PARD3B: variants seen among roughly 807,000 people sequenced by gnomAD.
PARD3B encodes the protein partitioning defective 3 homolog B.
PARD3B carries 103 observed loss-of-function variants against 130.2 expected under a neutral mutation model. The observed-to-expected ratio is 0.79, with a 90% CI of 0.67 to 0.93. The LOEUF is 0.93. Among genes scored for constraint, PARD3B ranks in the 40% least tolerant of loss-of-function variants. The pLI, the probability that PARD3B is intolerant of heterozygous loss-of-function variation, is 0.00. For synonymous variants in PARD3B, 583 were observed against 553.2 expected, an observed-to-expected ratio of 1.05 and a Z score of -0.76; for missense variants, 1,609 against 1,499.2, an observed-to-expected ratio of 1.07 and a Z score of -1.21.
intron 18 of PARD3B, among the ~76,000 whole-genome samples, chr2:205,390,940 T>C (rs1032342506): frequency 6.6e-6 from 1 of 152,228 alleles, no homozygotes; most frequent in African/African-American, 2.4e-5. Context: ...TTGGATTTAT[T>C]TTCTTTGACA....
chr2:205,031,242 C>T (rs1362064642), intron 3 of PARD3B, among the ~76,000 whole-genome samples: 9 of 152,138 alleles, frequency 5.9e-5, no homozygotes, highest in Non-Finnish European at 1.2e-4. Context: ...GTGAAGGCAA[C>T]TCTGTGTGTG....
intron 2 of PARD3B, among the ~76,000 whole-genome samples, chr2:204,900,467 A>T (rs937933815): frequency 1.3e-5 from 2 of 152,054 alleles, no homozygotes; most frequent in Non-Finnish European, 2.9e-5. Flanking sequence ...AATTCTTTTA[A>T]ATTATTTCAA....
chr2:205,259,804 G>A (rs1574528010), intron 16 of PARD3B, among the ~76,000 whole-genome samples: 1 of 152,182 alleles, frequency 6.6e-6, no homozygotes, highest in East Asian at 1.9e-4. Context: ...TATCTAAAAT[G>A]CTGGAGACCA....
intron 21 of PARD3B, among the ~76,000 whole-genome samples, chr2:205,529,922 G>A (rs1482655033): frequency 6.6e-6 from 1 of 152,140 alleles, no homozygotes; most frequent in Non-Finnish European, 1.5e-5. Flanking sequence ...GCTCTGGTGT[G>A]GACTTAGAGC....
At chr2:204,646,229 A>G (rs1272965360) in intron 1 of PARD3B, among the ~76,000 whole-genome samples, 1 of 152,118 alleles carries the variant, frequency 6.6e-6, no homozygotes, top group Non-Finnish European at 1.5e-5. Flanking sequence ...GCACCCCAGA[A>G]GTTCTCACGT....
At chr2:205,475,403 A>G (rs548772004) in intron 20 of PARD3B, among the ~76,000 whole-genome samples, 28 of 152,288 alleles carry the variant, frequency 1.8e-4, no homozygotes, top group African/African-American at 6.3e-4. Context: ...TGCTATTGTC[A>G]GGCTTGTTTG....
At chr2:204,785,689 G>A (rs1311721204) in intron 2 of PARD3B, among the ~76,000 whole-genome samples, 10 of 152,180 alleles carry the variant, frequency 6.6e-5, no homozygotes, top group Non-Finnish European at 1.3e-4. Flanking sequence ...CCCAGTGCCC[G>A]ACATGCAGGA....
chr2:204,789,397 A>G (rs539578765), intron 2 of PARD3B, among the ~76,000 whole-genome samples: 2 of 152,272 alleles, frequency 1.3e-5, no homozygotes, highest in East Asian at 3.9e-4. Context: ...TTTTGTGACA[A>G]AGTATTAATG....
chr2:205,075,344 T>C (rs1559413535), intron 4 of PARD3B, among the ~76,000 whole-genome samples: 1 of 152,140 alleles, frequency 6.6e-6, no homozygotes, highest in Admixed American at 6.5e-5. Flanking sequence ...TGTAGATTTC[T>C]TTTCATTGCT....
In PARD3B at chr2:205,238,849, A is replaced by ATATAT. The variant is rs1553645977; in HGVS notation, c.2141-6929_2141-6928insTATAT. ...AAACTCCGTTTCAAAAAAAAAAAAAAATATATATATATATATATATATATA... is the reference window on the plus strand; with the variant it reads ...AAACTCCGTTTCAAAAAAAAAAAAAATATATATATATATATATATATATATATATA... On this transcript the variant is annotated intron_variant, in intron 15 of 22. Transcript: ENST00000406610. 2.8e-3 allele frequency among the ~76,000 whole-genome samples: 218 copies of ATATAT among 76,896 alleles called. 6 individuals carry two copies. Among genetic ancestry groups the ATATAT allele is most frequent in the East Asian group, 8.9e-3 (16 of 1,790 alleles). 50.4% of individuals were successfully genotyped at this position (76,896 alleles called of 152,430 possible).
At chr2:205,499,802 AT>A in intron 20 of PARD3B, 93 bp from the exon 21 acceptor site, 1 of 1,300,288 alleles carries the variant, frequency 7.7e-7, no homozygotes, top group East Asian at 2.4e-5. Flanking sequence ...AATCTTCCAA[AT>A]TTAGATGTCA....
intron 21 of PARD3B, among the ~76,000 whole-genome samples, chr2:205,547,972 C>A (rs2052450445): frequency 6.6e-6 from 1 of 152,274 alleles, no homozygotes; most frequent in African/African-American, 2.4e-5. Flanking sequence ...AACACACAGT[C>A]CCTGTCTTAC....
At chr2:205,262,584 A>G (rs2040356291) in intron 16 of PARD3B, among the ~76,000 whole-genome samples, 1 of 152,088 alleles carries the variant, frequency 6.6e-6, no homozygotes, top group Non-Finnish European at 1.5e-5. Context: ...AAAGTATAAG[A>G]AAGGGGAAGC....
At chr2:205,462,680 ATTTATG>A (rs1281483403) in intron 20 of PARD3B, among the ~76,000 whole-genome samples, 1 of 152,162 alleles carries the variant, frequency 6.6e-6, no homozygotes, top group East Asian at 1.9e-4. Context: ...GTGATTTTTT[ATTTATG>A]TTTATTCTTG....
Position 205,309,759 on chromosome 2 carries a change from T to A in PARD3B, c.2630+8058T>A, listed in dbSNP as rs912089983. On this transcript the variant is annotated intron_variant, in intron 18 of 22. Transcript: ENST00000406610. This position sits in a 1 kb window ranked among gnomAD's most constrained non-coding sequence, Gnocchi z 4.7. Reference sequence around the variant, plus strand: ...GCGGCCTTCACGAGTCCCTTTGAGTTTCAGTCACCTCCTCATCAGCAAACT... The same window carrying A: ...GCGGCCTTCACGAGTCCCTTTGAGTATCAGTCACCTCCTCATCAGCAAACT... 6.6e-6 allele frequency among the ~76,000 whole-genome samples: 1 copy of A among 152,174 alleles called. No homozygotes were observed. The highest frequency in any genetic ancestry group is 3.2e-3 in the Middle Eastern group (1 of 316).
At chr2:205,094,555 G>A (rs774681752) in intron 4 of PARD3B, among the ~76,000 whole-genome samples, 1 of 151,778 alleles carries the variant, frequency 6.6e-6, no homozygotes, top group South Asian at 2.1e-4. Context: ...GCACACATAC[G>A]AATAAGTGTG....
chr2:204,874,306 A>C (rs2045753124), intron 2 of PARD3B, among the ~76,000 whole-genome samples: 1 of 152,242 alleles, frequency 6.6e-6, no homozygotes. Flanking sequence ...TATGATGATT[A>C]AAATAATTTA....
intron 18 of PARD3B, among the ~76,000 whole-genome samples, chr2:205,316,445 G>A (rs946011146): frequency 6.6e-6 from 1 of 152,052 alleles, no homozygotes; most frequent in Non-Finnish European, 1.5e-5. Context: ...TTTAAAAATA[G>A]GAAGGATAAA....
chr2:205,443,211 G>C (rs956372630), intron 20 of PARD3B, among the ~76,000 whole-genome samples: 2 of 152,154 alleles, frequency 1.3e-5, no homozygotes, highest in African/African-American at 4.8e-5. Context: ...GCCCAGATAA[G>C]TCTAAGAAGA....
Sources: gnomAD v4.1 joint callset for allele counts (sites outside exome capture counted in the v4.1 genomes callset) on GRCh38, gnomAD v4.1.1 for gene constraint, Gnocchi (gnomAD v3.1) non-coding constraint, MANE v1.5 for transcripts, NCBI Gene and HGNC (gene_info 2026-07-23, HGNC 2026-07-21) for gene names.